RCOR3: variants seen among roughly 807,000 people sequenced by gnomAD.
RCOR3 encodes the protein REST corepressor 3.
Under a neutral mutation model 64.1 loss-of-function variants are expected in RCOR3, and 13 were observed. The ratio of observed to expected loss-of-function variants is 0.20; its 90% confidence interval spans 0.13 to 0.32. The LOEUF (loss-of-function observed/expected upper bound fraction) is 0.32, where lower values mean the gene tolerates loss of function less well. Ranked by LOEUF, RCOR3 falls within the 10% of genes least tolerant of loss-of-function variation. The pLI is 1.00. For missense variants in RCOR3, 489 were observed against 701.2 expected (o/e 0.70, Z 3.42); for synonymous variants, 215 against 239.0 (o/e 0.90, Z 0.93).
At position 211,283,724 on chromosome 1, in the gene RCOR3, G is replaced by A. The variant is rs997070776; in HGVS notation, c.720+4408G>A. Among the ~76,000 whole-genome samples the A allele has an allele frequency of 2.6e-5, 4 of 151,972 alleles. No homozygotes were observed. The East Asian group carries it at 7.7e-4, about 29-fold the overall frequency. On this transcript the variant is annotated intron_variant, in intron 7 of 11. Transcript: ENST00000419091. ...CAGTTGTGTGATCATAGCCACTGCA[G>A]CCTCAAACTTCTGGGCTCAAATGAT... is the stretch of plus-strand genomic sequence containing the variant.
chr1:211,297,754 G>T (rs898254872), intron 9 of RCOR3, among the ~76,000 whole-genome samples: 10 of 152,040 alleles, frequency 6.6e-5, no homozygotes, highest in Non-Finnish European at 1.3e-4. Flanking sequence ...ACTTATATTT[G>T]TCATATTGTT....
At chr1:211,308,209 G>A (rs1470059683) in intron 10 of RCOR3, among the ~76,000 whole-genome samples, 1 of 152,162 alleles carries the variant, frequency 6.6e-6, no homozygotes, top group East Asian at 1.9e-4. Flanking sequence ...AGGTTCAAAA[G>A]TATAATTGTC....
intron 9 of RCOR3, chr1:211,302,269 G>A (rs1011980566): frequency 2.6e-5 from 4 of 152,166 alleles, no homozygotes; most frequent in African/African-American, 7.2e-5. Context: ...ATGAAATTGC[G>A]TACTTTGCAA....
intron 5 of RCOR3, among the ~76,000 whole-genome samples, chr1:211,277,631 A>G (rs1001532040): frequency 3.3e-5 from 5 of 152,176 alleles, no homozygotes; most frequent in Non-Finnish European, 7.4e-5. Context: ...ATAGAGACAG[A>G]AAGTAGATTA....
intron 7 of RCOR3, among the ~76,000 whole-genome samples, chr1:211,280,025 C>T (rs1558066681): frequency 6.6e-6 from 1 of 152,132 alleles, no homozygotes; most frequent in East Asian, 1.9e-4. Flanking sequence ...CTCTAAGTTC[C>T]AGGTTTTTTT....
intron 5 of RCOR3, among the ~76,000 whole-genome samples, chr1:211,277,888 T>G (rs1214488889): frequency 6.6e-6 from 1 of 152,210 alleles, no homozygotes; most frequent in Admixed American, 6.5e-5. Flanking sequence ...CAGATTAGTT[T>G]GTGACCTCTT....
At chr1:211,306,439 T>A (rs1433780318) in intron 10 of RCOR3, among the ~76,000 whole-genome samples, 1 of 152,156 alleles carries the variant, frequency 6.6e-6, no homozygotes, top group Non-Finnish European at 1.5e-5. Flanking sequence ...GATATTAACA[T>A]GTTTTAATTT....
At chr1:211,296,827 T>C (rs1014614509) in intron 9 of RCOR3, among the ~76,000 whole-genome samples, 6 of 148,010 alleles carry the variant, frequency 4.1e-5, no homozygotes, top group African/African-American at 1.6e-4. Context: ...TATTTTGTTA[T>C]ATTATTGCAA....
chr1:211,261,000 G>A (rs1271585028), intron 2 of RCOR3: 1 of 152,262 alleles, frequency 6.6e-6, no homozygotes, highest in African/African-American at 2.4e-5. Context: ...AGGCGCCCTT[G>A]CTGGAGCCTC....
At chr1:211,311,809 T>C (rs1252530785) in intron 10 of RCOR3, among the ~76,000 whole-genome samples, 2 of 152,184 alleles carry the variant, frequency 1.3e-5, no homozygotes, top group African/African-American at 4.8e-5. Flanking sequence ...GAACTTCTTT[T>C]AGAATTCCCT....
At position 211,279,255 on chromosome 1, in the gene RCOR3, A is replaced by G; in HGVS notation, c.659A>G (p.Glu220Gly). The part of the protein sequence containing the change: ...NQGDSDDDVE[E>G]THPMDGNDSD... ...CTTCTCAGTGATGATGATGTAGAAGAAACACATCCAATGGATGGGAATGAT... is the reference window on the plus strand; with the variant it reads ...CTTCTCAGTGATGATGATGTAGAAGGAACACATCCAATGGATGGGAATGAT... Residue 220 changes from glutamate to glycine, a missense_variant, in exon 7 of 12, where the codon GAA becomes GGA. Glu to Gly is a moderately conservative substitution (Grantham distance 98). Transcript: ENST00000419091. 1 of 1,610,950 alleles carries G rather than the reference A, an allele frequency of 6.2e-7. No homozygotes were observed. Among genetic ancestry groups the G allele is most frequent in the Non-Finnish European group, 8.5e-7 (1 of 1,178,486 alleles).
intron 2 of RCOR3, among the ~76,000 whole-genome samples, chr1:211,270,236 T>A (rs1695934098): frequency 6.6e-6 from 1 of 152,062 alleles, no homozygotes; most frequent in Non-Finnish European, 1.5e-5. Context: ...CTAATTTTTG[T>A]ATTTTTAGTA....
intron 1 of RCOR3, 159 bp from the exon 2 acceptor site, chr1:211,259,938 CCCGCCCCCAAT>C: frequency 7.6e-7 from 1 of 1,307,790 alleles, no homozygotes. Flanking sequence ...CCCCCCGCTC[CCCGCCCCCAAT>C]CCGCTGCCAT....
At chr1:211,309,086 TAAAAAAAA>T (rs10688171) in intron 10 of RCOR3, among the ~76,000 whole-genome samples, 4 of 113,908 alleles carry the variant, frequency 3.5e-5, no homozygotes, top group Non-Finnish European at 5.2e-5. Flanking sequence ...TAGCTAAACA[TAAAAAAAA>T]AAAAAAAAAA....
intron 7 of RCOR3, among the ~76,000 whole-genome samples, chr1:211,280,694 G>A (rs569110330): frequency 6.6e-6 from 1 of 152,196 alleles, no homozygotes; most frequent in East Asian, 1.9e-4. Flanking sequence ...ATTTAAAAGC[G>A]TTTCTCTGGC....
At chr1:211,310,659 TAAG>T (rs1026963560) in intron 10 of RCOR3, among the ~76,000 whole-genome samples, 12 of 152,124 alleles carry the variant, frequency 7.9e-5, no homozygotes, top group African/African-American at 2.7e-4. Flanking sequence ...AAGGGAAAAT[TAAG>T]AAGTGGAAGA....
intron 2 of RCOR3, among the ~76,000 whole-genome samples, chr1:211,265,451 C>T (rs1200666957): frequency 1.3e-5 from 2 of 152,168 alleles, no homozygotes; most frequent in African/African-American, 4.8e-5. Context: ...GGCGCGGTGG[C>T]TCACGCCTGT....
At position 211,312,711 on chromosome 1, in the gene RCOR3, G is replaced by T. The variant is rs776311285; in HGVS notation, c.1076-9G>T. 1 of 1,604,486 alleles carries T rather than the reference G, an allele frequency of 6.2e-7. No homozygotes were observed. The highest frequency in any genetic ancestry group is 1.1e-5 in the South Asian group (1 of 90,898). ...CCTTCACAGGTGTATTATTTACTTTGCCTTCCAGGTGTCCGCAAATATGGT... is the reference window on the plus strand; with the variant it reads ...CCTTCACAGGTGTATTATTTACTTTTCCTTCCAGGTGTCCGCAAATATGGT... On this transcript the variant is annotated splice_polypyrimidine_tract_variant and intron_variant, in intron 10 of 11. Transcript: ENST00000419091. The surrounding 1 kb of genome is among the most constrained non-coding windows in gnomAD (Gnocchi z 5.0).
chr1:211,292,785 G>A lies in RCOR3; in HGVS notation c.940-2891G>A, dbSNP rs77814366. Among the ~76,000 whole-genome samples the A allele has an allele frequency of 1.8e-3, 280 of 152,006 alleles. 2 individuals are homozygous for A. Among genetic ancestry groups the A allele is most frequent in the African/African-American group, 6.2e-3 (258 of 41,446 alleles). On this transcript the variant is annotated intron_variant, in intron 8 of 11. Coordinates refer to ENST00000419091, the MANE Select transcript of RCOR3 (RefSeq NM_001136223.3). ...ATTCCCCCTAATTCTCCACAATCAGGTATTTACAAAGATGTCTTGGCCGGG... is the reference window on the plus strand; with the variant it reads ...ATTCCCCCTAATTCTCCACAATCAGATATTTACAAAGATGTCTTGGCCGGG...
Sources: gnomAD v4.1 joint callset for allele counts (sites outside exome capture counted in the v4.1 genomes callset) on GRCh38, gnomAD v4.1.1 for gene constraint, Gnocchi (gnomAD v3.1) non-coding constraint, MANE v1.5 for transcripts, NCBI Gene and HGNC (gene_info 2026-07-23, HGNC 2026-07-21) for gene names.